Variants in RBM4 observed in about 807,000 individuals in gnomAD.
The protein encoded by RBM4 is RNA-binding protein 4.
RBM4 carries 7 observed loss-of-function variants against 29.5 expected under a neutral mutation model. The observed-to-expected ratio is 0.24, with a 90% CI of 0.14 to 0.45. The LOEUF (loss-of-function observed/expected upper bound fraction) is 0.45, where lower values mean the gene tolerates loss of function less well. Among genes scored for constraint, RBM4 ranks in the 20% least tolerant of loss-of-function variants. RBM4 has a pLI of 1.00. For synonymous variants in RBM4, 220 were observed against 205.4 expected, an observed-to-expected ratio of 1.07 and a Z score of -0.61; for missense variants, 387 against 502.3, an observed-to-expected ratio of 0.77 and a Z score of 2.19.
At chr11:66,648,903 C>CA (rs1422863870), downstream of RBM4, among the ~76,000 whole-genome samples, 1 of 150,960 alleles carries the variant, frequency 6.6e-6, no homozygotes, top group Non-Finnish European at 1.5e-5. Flanking sequence ...CTGTAACAGA[C>CA]AATGTAAGAG....
chr11:66,650,486 G>T (rs937983144), downstream of RBM4, among the ~76,000 whole-genome samples: 1 of 151,708 alleles, frequency 6.6e-6, no homozygotes, highest in East Asian at 1.9e-4. Flanking sequence ...CAGAAGAATT[G>T]CTTGAAGCTG....
intron 2 of RBM4, chr11:66,640,424 T>G (rs1273309834): frequency 3.8e-6 from 2 of 526,314 alleles, no homozygotes; most frequent in East Asian, 3.0e-5. Context: ...CCTTTTTTAT[T>G]TTTTATTTTT....
At chr11:66,666,613 G>C (rs1565091161) in exon 3 of RBM4, 1 of 164,460 alleles carries the variant, frequency 6.1e-6, no homozygotes, top group Non-Finnish European at 1.3e-5. Flanking sequence ...CACAATATAT[G>C]AATTTAATAT....
At chr11:66,640,306 C>T in intron 2 of RBM4, 183 bp downstream of exon 2, 1 of 781,142 alleles carries the variant, frequency 1.3e-6, no homozygotes, top group Non-Finnish European at 2.0e-6. Context: ...TTACCTTAGG[C>T]AAATGTCTCC....
downstream of RBM4, among the ~76,000 whole-genome samples, chr11:66,649,450 G>A (rs944800716): frequency 2.0e-5 from 3 of 152,186 alleles, no homozygotes; most frequent in Non-Finnish European, 4.4e-5. Flanking sequence ...AGGCTGAAGC[G>A]GGAGGATAGT....
intron 2 of RBM4, among the ~76,000 whole-genome samples, chr11:66,661,183 A>G (rs1001818612): frequency 2.0e-5 from 3 of 152,146 alleles, no homozygotes; most frequent in African/African-American, 7.2e-5. Context: ...CATTTCTTGC[A>G]TTTCATTTCT....
downstream of RBM4, chr11:66,649,855 A>G (rs896182077): frequency 1.6e-6 from 1 of 635,904 alleles, no homozygotes; most frequent in Non-Finnish European, 2.8e-6. Context: ...TGCAGGGACT[A>G]TATGTGAGCC....
chr11:66,643,944 T>C lies in RBM4; in HGVS notation c.907T>C (p.Tyr303His). ...AAAVTAASTS[Y>H]YGRDRSPLRR... ...TGCTGTTACTGCAGCTTCCACTTCA[T>C]ATTACGGGCGGGATCGGAGCCCCCT... The change falls in exon 3 of 4, where the codon TAT (tyrosine) becomes CAT (histidine). Residue 303 changes from tyrosine (Y) to histidine (H), a missense_variant. By Grantham distance (83) the Tyr-to-His change is moderately conservative (BLOSUM62 2). Transcript: ENST00000310092. The surrounding 1 kb of genome is among the most constrained non-coding windows in gnomAD (Gnocchi z 6.1). 6.2e-7 allele frequency: 1 copy of C among 1,613,148 alleles called. No individual in the cohort carries two copies. The highest frequency in any genetic ancestry group is 8.5e-7 in the Non-Finnish European group (1 of 1,179,944).
At chr11:66,658,878 A>G (rs895718802) in intron 2 of RBM4, among the ~76,000 whole-genome samples, 2 of 151,472 alleles carry the variant, frequency 1.3e-5, no homozygotes, top group South Asian at 4.2e-4. Flanking sequence ...CGGAGGTTCT[A>G]TTGAGCCAAG....
At chr11:66,656,951 C>G (rs1306106430) in intron 2 of RBM4, among the ~76,000 whole-genome samples, 1 of 152,100 alleles carries the variant, frequency 6.6e-6, no homozygotes, top group Non-Finnish European at 1.5e-5. Context: ...CAGTCGTGAG[C>G]CACCATGCCC....
chr11:66,665,200 T>G, intron 2 of RBM4: 1 of 235,558 alleles, frequency 4.2e-6, no homozygotes. Flanking sequence ...AACAGAAGAG[T>G]AAAAGGCTGC....
At chr11:66,656,516 A>G (rs1938953171) in intron 2 of RBM4, among the ~76,000 whole-genome samples, 2 of 151,922 alleles carry the variant, frequency 1.3e-5, no homozygotes, top group Admixed American at 6.6e-5. Flanking sequence ...GCCTCAGTTG[A>G]TCTGCTCACC....
chr11:66,644,819 C>T (rs1257492279), intron 3 of RBM4: 3 of 469,984 alleles, frequency 6.4e-6, no homozygotes, highest in Non-Finnish European at 8.4e-6. Flanking sequence ...TAGATGCTAA[C>T]ACTCACCTTC....
chr11:66,639,496 C>T (rs1565079050), intron 1 of RBM4: 1 of 656,840 alleles, frequency 1.5e-6, no homozygotes, highest in Non-Finnish European at 2.5e-6. Flanking sequence ...CTATTGCAGA[C>T]GTCTTCTTAT....
chr11:66,655,355 T>C (rs1938927669), intron 2 of RBM4, among the ~76,000 whole-genome samples: 1 of 151,522 alleles, frequency 6.6e-6, no homozygotes, highest in Admixed American at 6.6e-5. Context: ...AGTGGGGTGA[T>C]CTTGGCTCAC....
At chr11:66,647,302 TAAA>T (rs1022969418), downstream of RBM4, among the ~76,000 whole-genome samples, 3 of 152,242 alleles carry the variant, frequency 2.0e-5, no homozygotes, top group African/African-American at 4.8e-5. Context: ...GATGGGGAGA[TAAA>T]GAAGCTGGTC....
intron 2 of RBM4, chr11:66,641,149 C>G (rs1938440680): frequency 6.6e-6 from 1 of 152,024 alleles, no homozygotes; most frequent in African/African-American, 2.4e-5. Context: ...TTAAGCAGGA[C>G]TGAACAAAAA....
chr11:66,647,202 T>G (rs759124810), downstream of RBM4, among the ~76,000 whole-genome samples: 21 of 152,228 alleles, frequency 1.4e-4, no homozygotes, highest in Non-Finnish European at 2.5e-4. Context: ...GATACAGGAC[T>G]GTGTCAGAGC....
At chr11:66,656,915 C>T (rs533990322) in intron 2 of RBM4, among the ~76,000 whole-genome samples, 2 of 152,098 alleles carry the variant, frequency 1.3e-5, no homozygotes, top group South Asian at 4.1e-4. Flanking sequence ...CCACCTTGGC[C>T]GCCCAAAGTG....
Sources: gnomAD v4.1 joint callset for allele counts (sites outside exome capture counted in the v4.1 genomes callset) on GRCh38, gnomAD v4.1.1 for gene constraint, Gnocchi (gnomAD v3.1) non-coding constraint, MANE v1.5 for transcripts, NCBI Gene and HGNC (gene_info 2026-07-23, HGNC 2026-07-21) for gene names.